Variants in PTPRN2 observed in about 807,000 individuals in gnomAD.
PTPRN2 encodes protein tyrosine phosphatase receptor type N2.
Under a neutral mutation model 118.8 loss-of-function variants are expected in PTPRN2, and 74 were observed. The observed-to-expected ratio is 0.62, with a 90% confidence interval of 0.52 to 0.76. The LOEUF is 0.76. PTPRN2 is among the 30% of genes least tolerant of loss of function. The pLI is 0.00. For synonymous variants in PTPRN2, 641 were observed against 608.0 expected, an observed-to-expected ratio of 1.05 and a Z score of -0.80; for missense variants, 1,481 against 1,394.4, an observed-to-expected ratio of 1.06 and a Z score of -0.99.
In PTPRN2 at chr7:157,656,644, C is replaced by A. The variant is rs570536242; in HGVS notation, c.2002-93G>T. The A allele has an allele frequency of 2.5e-5, 31 of 1,247,856 alleles. No individual in the cohort carries two copies. In the East Asian group the frequency reaches 7.9e-4, roughly 32 times the overall value. The allele number at this position is 1,247,856 out of a possible 1,614,324, so 77.3% of individuals were successfully genotyped here. ...CGGCACCCACGTGGCACAACCCCTTCTCCTGCTAAGATCCAAGGTTCAGGC... is the reference window on the plus strand; with the variant it reads ...CGGCACCCACGTGGCACAACCCCTTATCCTGCTAAGATCCAAGGTTCAGGC... On this transcript the variant is annotated intron_variant, in intron 13 of 22. Coordinates refer to ENST00000389418, the MANE Select transcript of PTPRN2 (RefSeq NM_002847.5).
At chr7:157,578,592 A>G (rs1800181525) in intron 17 of PTPRN2, among the ~76,000 whole-genome samples, 2 of 152,252 alleles carry the variant, frequency 1.3e-5, no homozygotes, top group Admixed American at 6.5e-5. Flanking sequence ...TTCTTTTCAA[A>G]GTACTTCACG....
At position 158,562,240 on chromosome 7, in the gene PTPRN2, T is replaced by A. The variant is rs540029533; in HGVS notation, c.112+25318A>T. On this transcript the variant is annotated intron_variant, in intron 1 of 22. Coordinates refer to ENST00000389418, the MANE Select transcript of PTPRN2 (RefSeq NM_002847.5). Reference sequence around the variant, plus strand: ...TTCCTGGATCATAGATGACGCCTTCTCGCCATGGTCTCACTCCATGAAGGG... The same window carrying A: ...TTCCTGGATCATAGATGACGCCTTCACGCCATGGTCTCACTCCATGAAGGG... Among the ~76,000 whole-genome samples the A allele has an allele frequency of 4.6e-5, 7 of 152,244 alleles. No homozygotes were observed. In the South Asian group the frequency reaches 1.5e-3, roughly 32 times the overall value.
intron 12 of PTPRN2, among the ~76,000 whole-genome samples, chr7:157,710,817 A>G (rs1798579291): frequency 6.8e-6 from 1 of 148,046 alleles, no homozygotes; most frequent in Admixed American, 6.7e-5. Context: ...CACGCGCCGG[A>G]GGTTCCGGGG....
At chr7:158,520,259 G>A (rs1330890938) in intron 1 of PTPRN2, among the ~76,000 whole-genome samples, 1 of 152,210 alleles carries the variant, frequency 6.6e-6, no homozygotes. Context: ...TTGGCAGCCT[G>A]GGTCTCACAC....
chr7:157,624,701 C>T (rs979081018), intron 14 of PTPRN2, among the ~76,000 whole-genome samples: 1 of 152,178 alleles, frequency 6.6e-6, no homozygotes, highest in African/African-American at 2.4e-5. Flanking sequence ...AAGTTGGGGG[C>T]CGTCTATACT....
chr7:158,356,101 T>C (rs1421901283), intron 2 of PTPRN2, among the ~76,000 whole-genome samples: 1 of 152,190 alleles, frequency 6.6e-6, no homozygotes, highest in Non-Finnish European at 1.5e-5. Context: ...TTGGCTGTCT[T>C]TATGGTATTT....
chr7:158,176,066 C>T lies in PTPRN2; in HGVS notation c.550-8775G>A, dbSNP rs534047099. Among the ~76,000 whole-genome samples, 5 of 152,240 alleles carry T rather than the reference C, an allele frequency of 3.3e-5. No individual in the cohort carries two copies. The East Asian group carries it at 7.8e-4, about 24-fold the overall frequency. On this transcript the variant is annotated intron_variant, in intron 5 of 22. Transcript: ENST00000389418. ...CGTGAGGCCAGCACTGCTCTCAGCC[C>T]ACCCTACTTTGCCCGCCACTCTTCC...
At chr7:158,493,150 G>A (rs552032369) in intron 1 of PTPRN2, among the ~76,000 whole-genome samples, 1 of 152,304 alleles carries the variant, frequency 6.6e-6, no homozygotes, top group South Asian at 2.1e-4. Context: ...GTGCTCAGGG[G>A]TTCCTCCTCA....
chr7:158,408,278 T>C (rs558734265), intron 2 of PTPRN2, among the ~76,000 whole-genome samples: 1 of 152,178 alleles, frequency 6.6e-6, no homozygotes, highest in Non-Finnish European at 1.5e-5. Flanking sequence ...ATGAATAAAT[T>C]AATAAGAACA....
chr7:157,888,973 A>G (rs1796642354), intron 12 of PTPRN2, among the ~76,000 whole-genome samples: 1 of 152,244 alleles, frequency 6.6e-6, no homozygotes, highest in Non-Finnish European at 1.5e-5. Flanking sequence ...CACCAGGGGA[A>G]AACCTCACTG....
intron 3 of PTPRN2, among the ~76,000 whole-genome samples, chr7:158,229,584 C>T (rs1227605758): frequency 6.6e-6 from 1 of 151,852 alleles, no homozygotes; most frequent in African/African-American, 2.4e-5. Flanking sequence ...CTGAGAAATA[C>T]ATTTGCTGAA....
At chr7:158,112,147 C>T (rs1166709554) in intron 9 of PTPRN2, among the ~76,000 whole-genome samples, 2 of 152,200 alleles carry the variant, frequency 1.3e-5, no homozygotes, top group African/African-American at 4.8e-5. Context: ...ATGGATTTCC[C>T]ACTTTGGAAG....
chr7:158,372,247 C>T (rs1372371276), intron 2 of PTPRN2, among the ~76,000 whole-genome samples: 1 of 151,370 alleles, frequency 6.6e-6, no homozygotes, highest in African/African-American at 2.4e-5. Flanking sequence ...GAGCTGGCCT[C>T]CCCAGTGCTG....
chr7:157,635,179 A>G (rs1416249024), intron 14 of PTPRN2, among the ~76,000 whole-genome samples: 1 of 152,258 alleles, frequency 6.6e-6, no homozygotes, highest in African/African-American at 2.4e-5. Context: ...GGCACTCCCC[A>G]TAAGCTAACT....
intron 2 of PTPRN2, among the ~76,000 whole-genome samples, chr7:158,367,196 C>A (rs6459869): frequency 0.87 from 132,830 of 152,214 alleles, 58,774 homozygotes; most frequent in Non-Finnish European, 0.94. Context: ...CAGGCACAAG[C>A]ATGCTCCTGC....
chr7:157,737,360 G>A (rs553119636), intron 12 of PTPRN2, among the ~76,000 whole-genome samples: 2 of 152,210 alleles, frequency 1.3e-5, no homozygotes, highest in Admixed American at 1.3e-4. Context: ...GCCTCAGCAC[G>A]ACCTCAACCT....
At chr7:157,724,199 G>C (rs10282399) in intron 12 of PTPRN2, among the ~76,000 whole-genome samples, 2 of 151,846 alleles carry the variant, frequency 1.3e-5, no homozygotes, top group Non-Finnish European at 2.9e-5. Context: ...GGCTTCCCCC[G>C]TCTGAATTGC....
intron 11 of PTPRN2, among the ~76,000 whole-genome samples, chr7:158,071,598 C>CTCGTGG (rs1563392311): frequency 8.1e-4 from 6 of 7,438 alleles, no homozygotes; most frequent in Admixed American, 1.6e-3. Context: ...GGAGGTGCTC[C>CTCGTGG]TGGTGGAGGT....
chr7:158,381,069 C>T (rs1810935413), intron 2 of PTPRN2, among the ~76,000 whole-genome samples: 1 of 152,246 alleles, frequency 6.6e-6, no homozygotes, highest in Non-Finnish European at 1.5e-5. Flanking sequence ...TCCTCCTGGG[C>T]CTCAGGGCCT....
Sources: gnomAD v4.1 joint callset for allele counts (sites outside exome capture counted in the v4.1 genomes callset) on GRCh38, gnomAD v4.1.1 for gene constraint, MANE v1.5 for transcripts, NCBI Gene and HGNC (gene_info 2026-07-23, HGNC 2026-07-21) for gene names.